The following ENAM variants were observed in gnomAD, a reference collection of about 807,000 sequenced individuals.
ENAM encodes enamelin.
In ENAM, 21 loss-of-function variants were observed where a neutral mutation model predicts 33.6. The ratio of observed to expected loss-of-function variants is 0.63; its 90% confidence interval spans 0.44 to 0.90. The LOEUF (loss-of-function observed/expected upper bound fraction) is 0.90. ENAM is among the 40% of genes least tolerant of loss of function. The pLI is 0.00. For missense variants in ENAM, 1,388 were observed against 1,366.9 expected (o/e 1.02, Z -0.24); for synonymous variants, 473 against 468.4 (o/e 1.01, Z -0.13).
chr4:70,637,572 G>A, intron 7 of ENAM: 2 of 573,752 alleles, frequency 3.5e-6, no homozygotes, highest in Non-Finnish European at 6.3e-6. Flanking sequence ...GATAATCTAG[G>A]ATCCAGCTGA....
At chr4:70,637,765 G>A (rs766442325) in intron 7 of ENAM, 25 bp from the exon 8 acceptor site, 2 of 1,606,864 alleles carry the variant, frequency 1.2e-6, no homozygotes, top group Non-Finnish European at 1.7e-6. Context: ...TTTCTCCTGT[G>A]TTCACTGTGT....
rs1249656995 is a variant in ENAM, at chr4:70,643,391, C to A, written c.1965C>A (p.Asp655Glu). 1.2e-6 allele frequency: 2 copies of A among 1,613,798 alleles called. No homozygotes were observed. Among genetic ancestry groups the A allele is most frequent in the Non-Finnish European group, 1.7e-6 (2 of 1,179,870 alleles). ...AGATAGTCCCTTATAATGAAGAGGA[C>A]CCAGTTGATCCAACTGGAGATGAAG... ...QKEIVPYNEE[D>E]PVDPTGDEVF... Residue 655 changes from aspartate (D) to glutamate (E), a missense_variant, in exon 9 of 9, where the codon GAC becomes GAA. Transcript: ENST00000396073.
chr4:70,637,089 C>T (rs915518663), intron 7 of ENAM, among the ~76,000 whole-genome samples: 2 of 152,094 alleles, frequency 1.3e-5, no homozygotes, highest in African/African-American at 4.8e-5. Flanking sequence ...TACATTTTTC[C>T]TCCTTAAAAG....
chr4:70,636,604 A>C (rs1384963706), intron 7 of ENAM, among the ~76,000 whole-genome samples: 2 of 152,196 alleles, frequency 1.3e-5, no homozygotes, highest in African/African-American at 4.8e-5. Flanking sequence ...CCCCGTCTCT[A>C]CTAAAAATAC....
chr4:70,644,069 GC>G lies in ENAM; in HGVS notation c.2646del (p.Lys883ArgfsTer5). On this transcript the variant is annotated frameshift_variant, in exon 9 of 9. Transcript: ENST00000396073. LOFTEE classifies it low-confidence loss of function (END_TRUNC). ...CTTGCTGTGCTGGTAGCTCCACAGG[GC>G]CCAAGGACAATCCACTAGCTCTACA... is the stretch of plus-strand genomic sequence containing the variant. The part of the protein sequence containing the change: ...GSCCAGSSTG[P>X]KDNPLALQDY... 6.2e-7 allele frequency: 1 copy of G among 1,614,050 alleles called. No individual in the cohort carries two copies. The highest frequency in any genetic ancestry group is 1.1e-5 in the South Asian group (1 of 91,060).
At chr4:70,639,014 A>C (rs898777911) in intron 8 of ENAM, among the ~76,000 whole-genome samples, 1 of 151,708 alleles carries the variant, frequency 6.6e-6, no homozygotes, top group African/African-American at 2.4e-5. Context: ...CCAGACTAGT[A>C]TCGAACTCCT....
At chr4:70,641,901 G>T (rs755105157) in intron 8 of ENAM, 114 bp from the exon 9 acceptor site, 34 of 788,858 alleles carry the variant, frequency 4.3e-5, no homozygotes, top group Non-Finnish European at 7.0e-5. Context: ...TAAAGCTAAT[G>T]ATGTTAAAAG....
chr4:70,636,024 C>G, intron 7 of ENAM, 130 bp downstream of exon 7: 1 of 510,930 alleles, frequency 2.0e-6, no homozygotes, highest in Non-Finnish European at 3.5e-6. Flanking sequence ...GAAACAAAAC[C>G]AGTGCATCAG....
intron 8 of ENAM, among the ~76,000 whole-genome samples, chr4:70,638,576 A>G (rs1738519469): frequency 6.7e-6 from 1 of 148,992 alleles, no homozygotes; most frequent in African/African-American, 2.5e-5. Context: ...ACTATCTCAA[A>G]CAAAAGAGAG....
rs1233022823 is a variant in ENAM at position 70,635,834 on chromosome 4, A to G, written c.474A>G (p.Ala158=). 6.3e-7 allele frequency: 1 copy of G among 1,596,628 alleles called. No individual in the cohort carries two copies. The highest frequency in any genetic ancestry group is 8.6e-7 in the Non-Finnish European group (1 of 1,164,756). Reference sequence around the variant, plus strand: ...TCTGATTCTTTCTTTCTCTCTAGGCATTCCCACCATTTGGAAATGGGCTAT... The same window carrying G: ...TCTGATTCTTTCTTTCTCTCTAGGCGTTCCCACCATTTGGAAATGGGCTAT... ...QPEEEAQPPQ[A]FPPFGNGLFP... is the part of the protein sequence containing the mutation. Residue 158 remains alanine, a splice_region_variant and synonymous_variant, in exon 7 of 9, where the codon GCA becomes GCG. Transcript: ENST00000396073.
intron 8 of ENAM, among the ~76,000 whole-genome samples, chr4:70,639,426 C>A (rs889649296): frequency 8.6e-5 from 13 of 150,986 alleles, no homozygotes; most frequent in Admixed American, 4.0e-4. Context: ...CCCGTCTCTA[C>A]TAAGAATACA....
intron 8 of ENAM, among the ~76,000 whole-genome samples, chr4:70,639,505 G>A (rs1299063120): frequency 2.6e-5 from 4 of 152,126 alleles, no homozygotes; most frequent in Admixed American, 2.0e-4. Context: ...CAGAAGAATC[G>A]CTTGAACCCA....
chr4:70,631,707 T>G lies in ENAM; in HGVS notation c.92T>G (p.Leu31Arg), dbSNP rs1060499539. 3 of 1,613,706 alleles carry G rather than the reference T, an allele frequency of 1.9e-6. No homozygotes were observed. The highest frequency in any genetic ancestry group is 2.5e-6 in the Non-Finnish European group (3 of 1,179,594). Residue 31 changes from leucine (L) to arginine (R), a missense_variant, in exon 3 of 9, where the codon CTA becomes CGA. Physicochemically the swap from Leu to Arg is moderately radical, Grantham distance 102. Coordinates refer to ENST00000396073, the MANE Select transcript of ENAM (RefSeq NM_031889.3). ...AAAATGAAGATTCTCCTGGTCTTTC[T>G]AGGGCTTCTTGGTAATTCTGTTGCT... ...KGKMKILLVF[L>R]GLLGNSVAMP...
At position 70,634,603 on chromosome 4, in the gene ENAM, A is replaced by G. The variant is rs35554152; in HGVS notation, c.471+35A>G. 5.6e-3 allele frequency: 8,983 copies of G among 1,610,410 alleles called. 48 individuals are homozygous for G. The highest frequency in any genetic ancestry group is 6.8e-3 in the Non-Finnish European group (8,002 of 1,176,904). ...GCACAGAAAAATTCCATATCTGTAA[A>G]TGGCCTCGGAGAGATTTGGAGGGCC... On this transcript the variant is annotated intron_variant, in intron 6 of 8. Transcript: ENST00000396073.
chr4:70,645,238 T>G lies in ENAM; in HGVS notation c.*383T>G. 3.7e-6 allele frequency: 1 copy of G among 270,268 alleles called. No individual in the cohort carries two copies. The allele number at this position is 270,268 out of a possible 1,614,324, so 16.7% of individuals were successfully genotyped here. Reference sequence around the variant, plus strand: ...GCAGATTAACTTTCCATTCTACTTATGGAGATCCACACATCAGTATAGTCC... The same window carrying G: ...GCAGATTAACTTTCCATTCTACTTAGGGAGATCCACACATCAGTATAGTCC... On this transcript the variant is annotated 3_prime_UTR_variant, in exon 9 of 9. Coordinates refer to ENST00000396073, the MANE Select transcript of ENAM (RefSeq NM_031889.3).
Position 70,634,472 on chromosome 4 carries a change from C to T in ENAM, c.375C>T (p.Pro125=). ...ATCAGACCCAAGAAACCCAGAAACC[C>T]AACCAGACTCAGTCAAAAAAGCCAC... ...KTDQTQETQK[P]NQTQSKKPPQ... The change falls in exon 6 of 9, where the codon CCC becomes CCT. Residue 125 remains proline (P), a synonymous_variant. Coordinates refer to ENST00000396073, the MANE Select transcript of ENAM (RefSeq NM_031889.3). 1 of 1,614,062 alleles carries T rather than the reference C, an allele frequency of 6.2e-7. No homozygotes were observed. The highest frequency in any genetic ancestry group is 1.1e-5 in the South Asian group (1 of 91,072).
chr4:70,637,463 G>A (rs1738479439), intron 7 of ENAM, among the ~76,000 whole-genome samples: 1 of 152,066 alleles, frequency 6.6e-6, no homozygotes, highest in African/African-American at 2.4e-5. Flanking sequence ...TGTGTGCATG[G>A]TGTGTGTTTG....
Position 70,642,589 on chromosome 4 carries a change from G to A in ENAM, c.1163G>A (p.Arg388Lys). 1 of 1,614,000 alleles carries A rather than the reference G, an allele frequency of 6.2e-7. No individual in the cohort carries two copies. Among genetic ancestry groups the A allele is most frequent in the Non-Finnish European group, 8.5e-7 (1 of 1,179,952 alleles). Residue 388 changes from arginine (R) to lysine (K), a missense_variant, in exon 9 of 9, where the codon AGA becomes AAA. Arg to Lys is a conservative substitution (Grantham distance 26, BLOSUM62 2). Transcript: ENST00000396073. ...CACAAAGCTTACCCTCCTACTTCAA[G>A]AGGCAATTATCCCAATTATGCAGGA... is the stretch of plus-strand genomic sequence containing the variant. ...VYHKAYPPTSRGNYPNYAGNP... is the reference protein window; with the variant it reads ...VYHKAYPPTSKGNYPNYAGNP...
At position 70,635,875 on chromosome 4, in the gene ENAM, C is replaced by T; in HGVS notation, c.515C>T (p.Pro172Leu). 1 of 1,607,012 alleles carries T rather than the reference C, an allele frequency of 6.2e-7. No homozygotes were observed. The highest frequency in any genetic ancestry group is 8.5e-7 in the Non-Finnish European group (1 of 1,174,586). ...FGNGLFPYQQ[P>L]PWQIPQRLPP... ...AATGGGCTATTCCCCTATCAACAAC[C>T]ACCATGGCAAATTCCACAGGTGAGA... is the stretch of plus-strand genomic sequence containing the variant. The change falls in exon 7 of 9, where the codon CCA becomes CTA. Residue 172 changes from proline (P) to leucine (L), a missense_variant. Physicochemically the swap from Pro to Leu is moderately conservative, Grantham distance 98. Coordinates refer to ENST00000396073, the MANE Select transcript of ENAM (RefSeq NM_031889.3).
Sources: allele counts gnomAD v4.1 joint callset (sites outside exome capture counted in the v4.1 genomes callset), GRCh38; gene constraint gnomAD v4.1.1; transcripts MANE v1.5; gene names NCBI Gene and HGNC (gene_info 2026-07-23, HGNC 2026-07-21).